CNTNAP3B: variants seen among roughly 807,000 people sequenced by gnomAD.
The protein encoded by CNTNAP3B is contactin-associated protein-like 3B.
Under a neutral mutation model 108.9 loss-of-function variants are expected in CNTNAP3B, and 25 were observed. The ratio of observed to expected loss-of-function variants is 0.23; its 90% CI spans 0.17 to 0.32. CNTNAP3B has a LOEUF of 0.32. Among genes scored for constraint, CNTNAP3B ranks in the 10% least tolerant of loss-of-function variants. The pLI, the probability that CNTNAP3B is intolerant of heterozygous loss-of-function variation, is 1.00. For missense variants in CNTNAP3B, 252 were observed against 1,210.4 expected, an observed-to-expected ratio of 0.21 and a Z score of 11.75; for synonymous variants, 103 against 473.4, an observed-to-expected ratio of 0.22 and a Z score of 10.16.
At position 42,122,627 on chromosome 9, in the gene CNTNAP3B, T is replaced by A. The variant is rs1587290081; in HGVS notation, c.85+6383A>T. On this transcript the variant is annotated intron_variant, in intron 1 of 23. Coordinates refer to ENST00000377561, the MANE Select transcript of CNTNAP3B (RefSeq NM_001201380.3). ...TACCAATCTTCTTACAATAAATTCATAAATATCTTAATTATGGCAAATGTG... is the reference window on the plus strand; with the variant it reads ...TACCAATCTTCTTACAATAAATTCAAAAATATCTTAATTATGGCAAATGTG... 2.9e-5 allele frequency among the ~76,000 whole-genome samples: 4 copies of A among 138,742 alleles called. No homozygotes were observed. In the South Asian group the frequency reaches 9.3e-4, roughly 32 times the overall value. The allele number at this position is 138,742 out of a possible 152,430, so 91.0% of individuals were successfully genotyped here.
chr9:41,967,243 G>A (rs1476694164), intron 10 of CNTNAP3B, among the ~76,000 whole-genome samples: 2 of 152,244 alleles, frequency 1.3e-5, no homozygotes, highest in African/African-American at 4.8e-5. Flanking sequence ...TCATGGGAGG[G>A]AACCTGTGGG....
Position 41,920,162 on chromosome 9 carries a change from AAGTGTCCATAGGTGCTGC to A in CNTNAP3B, c.2885_2902del (p.Cys962_His967del). ...TCTGCATCTCCCTCCATTGCGACAC[AAGTGTCCATAGGTGCTGC>A]AGTGTCCTGCACACCCTGGCTCCAC... is the stretch of plus-strand genomic sequence containing the variant. On this transcript the variant is annotated inframe_deletion, in exon 18 of 24. Coordinates refer to ENST00000377561, the MANE Select transcript of CNTNAP3B (RefSeq NM_001201380.3). The A allele has an allele frequency of 1.3e-6, 2 of 1,519,496 alleles. No individual in the cohort carries two copies. Among genetic ancestry groups the A allele is most frequent in the Non-Finnish European group, 8.9e-7 (1 of 1,124,406 alleles). 94.1% of individuals were successfully genotyped at this position (1,519,496 alleles called of 1,614,324 possible). A position where few individuals can be genotyped will look rare whatever the true frequency, so the allele number is the denominator to read the frequency against.
intron 3 of CNTNAP3B, among the ~76,000 whole-genome samples, chr9:42,061,405 C>T (rs1360043426): frequency 7.4e-6 from 1 of 134,716 alleles, no homozygotes; most frequent in East Asian, 2.2e-4. Flanking sequence ...GCAATCTCTA[C>T]CTCCTGGGCT....
At chr9:42,128,068 G>A (rs1440468387) in intron 1 of CNTNAP3B, among the ~76,000 whole-genome samples, 5 of 138,372 alleles carry the variant, frequency 3.6e-5, no homozygotes, top group African/African-American at 1.2e-4. Flanking sequence ...TGAGAAGGAG[G>A]AGGAAGACAT....
chr9:41,979,595 T>G (rs1445315577), intron 9 of CNTNAP3B: 1 of 33,414 alleles, frequency 3.0e-5, no homozygotes, highest in African/African-American at 8.5e-5. Flanking sequence ...CTGTGTTGGC[T>G]ATTTTGACTT....
At chr9:42,015,538 G>T (rs1236072758) in intron 3 of CNTNAP3B, among the ~76,000 whole-genome samples, 1 of 92,282 alleles carries the variant, frequency 1.1e-5, no homozygotes, top group African/African-American at 4.2e-5. Flanking sequence ...TGCAAGCTGC[G>T]GTTTCTTCAT....
Position 42,046,842 on chromosome 9 carries a change from A to G in CNTNAP3B, c.390+30027T>C, listed in dbSNP as rs1388620675. ...GGGGGCTCTAACTACGTACACTTTGAAAAAGGAAGATGTTTTCCTACTCTG... is the reference window on the plus strand; with the variant it reads ...GGGGGCTCTAACTACGTACACTTTGGAAAAGGAAGATGTTTTCCTACTCTG... On this transcript the variant is annotated intron_variant, in intron 3 of 23. Transcript: ENST00000377561. Among the ~76,000 whole-genome samples the G allele has an allele frequency of 4.2e-5, 4 of 94,320 alleles. 1 individual carries two copies. The highest frequency in any genetic ancestry group is 3.2e-4 in the South Asian group (1 of 3,078). The allele number at this position is 94,320 out of a possible 152,430, so 61.9% of individuals were successfully genotyped here.
chr9:42,086,339 C>T (rs1755033085), intron 2 of CNTNAP3B, among the ~76,000 whole-genome samples: 1 of 135,954 alleles, frequency 7.4e-6, no homozygotes. Context: ...AGTGGGGACA[C>T]AGCCAAACCA....
intron 13 of CNTNAP3B, among the ~76,000 whole-genome samples, chr9:41,948,100 T>C (rs1587133840): frequency 6.6e-6 from 1 of 151,528 alleles, no homozygotes; most frequent in African/African-American, 2.4e-5. Context: ...TGGTTTTGGT[T>C]TTTATTTTTG....
chr9:42,029,600 G>A lies in CNTNAP3B; in HGVS notation c.391-16075C>T, dbSNP rs1288792472. 9.2e-5 allele frequency among the ~76,000 whole-genome samples: 11 copies of A among 119,812 alleles called. 2 individuals are homozygous for A. The highest frequency in any genetic ancestry group is 3.2e-4 in the African/African-American group (9 of 28,302). The allele number at this position is 119,812 out of a possible 152,430, so 78.6% of individuals were successfully genotyped here. ...GGCTGGAGTGCAGTGGTGCAGTCTC[G>A]GCTCACCACAACCTCTGCCTCCTGG... On this transcript the variant is annotated intron_variant, in intron 3 of 23. Transcript: ENST00000377561.
rs1258944599 is a variant in CNTNAP3B at position 41,984,000 on chromosome 9, G to A, written c.1477+2168C>T. Reference sequence around the variant, plus strand: ...GGCGGTGCAGAGCTTGCAGTGAGCCGAGATCGCGCCACTGCACTCCAGCCT... The same window carrying A: ...GGCGGTGCAGAGCTTGCAGTGAGCCAAGATCGCGCCACTGCACTCCAGCCT... On this transcript the variant is annotated intron_variant, in intron 9 of 23. Coordinates refer to ENST00000377561, the MANE Select transcript of CNTNAP3B (RefSeq NM_001201380.3). Among the ~76,000 whole-genome samples the A allele has an allele frequency of 8.2e-5, 8 of 97,430 alleles. 1 individual carries two copies. Among genetic ancestry groups the A allele is most frequent in the Admixed American group, 4.3e-4 (4 of 9,230 alleles). 63.9% of individuals were successfully genotyped at this position (97,430 alleles called of 152,430 possible). A position where few individuals can be genotyped will look rare whatever the true frequency, so the allele number is the denominator to read the frequency against.
intron 2 of CNTNAP3B, among the ~76,000 whole-genome samples, chr9:42,080,833 TAAAAC>T (rs1827597740): frequency 1.3e-5 from 1 of 78,664 alleles, no homozygotes; most frequent in Non-Finnish European, 2.4e-5. Context: ...GTCTTTAAAT[TAAAAC>T]AAATGAAAGT....
rs1825267295 is a variant in CNTNAP3B at position 41,966,164 on chromosome 9, G to C, written c.1650-1520C>G. 2.0e-5 allele frequency among the ~76,000 whole-genome samples: 3 copies of C among 152,296 alleles called. No individual in the cohort carries two copies. In the South Asian group the frequency reaches 6.2e-4, roughly 31 times the overall value. On this transcript the variant is annotated intron_variant, in intron 10 of 23. Coordinates refer to ENST00000377561, the MANE Select transcript of CNTNAP3B (RefSeq NM_001201380.3). ...TCATACCATTTTTAAAAGAGCAGCT[G>C]TTCCTCTTCCCCCACATCCTTCTCC... is the stretch of plus-strand genomic sequence containing the variant.
At chr9:41,971,056 A>G (rs1825419966) in intron 9 of CNTNAP3B, among the ~76,000 whole-genome samples, 1 of 148,078 alleles carries the variant, frequency 6.8e-6, no homozygotes, top group South Asian at 2.1e-4. Context: ...ATCGTCAGCT[A>G]ATTTCACCTA....
Position 42,062,871 on chromosome 9 carries a change from G to C in CNTNAP3B, c.390+13998C>G, listed in dbSNP as rs1485426928. Among the ~76,000 whole-genome samples the C allele has an allele frequency of 2.1e-5, 2 of 94,982 alleles. 1 individual carries two copies. Among genetic ancestry groups the C allele is most frequent in the African/African-American group, 7.9e-5 (2 of 25,348 alleles). The allele number at this position is 94,982 out of a possible 152,430, so 62.3% of individuals were successfully genotyped here. A position where few individuals can be genotyped will look rare whatever the true frequency, so the allele number is the denominator to read the frequency against. On this transcript the variant is annotated intron_variant, in intron 3 of 23. Transcript: ENST00000377561. ...TGACATAAAATATCTTATAGTTGCA[G>C]CAAGTTTTTTTTAACTTGAATACAA...
chr9:41,946,085 A>G (rs62536521), intron 13 of CNTNAP3B, among the ~76,000 whole-genome samples: 1,728 of 149,298 alleles, frequency 0.012, no homozygotes, highest in South Asian at 0.044. Flanking sequence ...GTCAAAATAT[A>G]TTAGGGGGAA....
At chr9:41,915,993 C>T (rs1259985654) in intron 18 of CNTNAP3B, among the ~76,000 whole-genome samples, 6 of 151,478 alleles carry the variant, frequency 4.0e-5, no homozygotes, top group African/African-American at 1.5e-4. Context: ...GTTATTTCTA[C>T]ATAGCTCTAT....
intron 10 of CNTNAP3B, among the ~76,000 whole-genome samples, chr9:41,967,880 T>C (rs1353441252): frequency 6.6e-6 from 1 of 152,280 alleles, no homozygotes; most frequent in South Asian, 2.1e-4. Flanking sequence ...GCAATGATTA[T>C]TGTACACATC....
At chr9:41,965,369 C>T (rs1168119608) in intron 10 of CNTNAP3B, among the ~76,000 whole-genome samples, 7 of 151,540 alleles carry the variant, frequency 4.6e-5, no homozygotes, top group Admixed American at 2.0e-4. Context: ...TCTGCTGCCG[C>T]CCACTATAAT....
Sources: gnomAD v4.1 joint callset for allele counts (sites outside exome capture counted in the v4.1 genomes callset) on GRCh38, gnomAD v4.1.1 for gene constraint, MANE v1.5 for transcripts, NCBI Gene and HGNC (gene_info 2026-07-23, HGNC 2026-07-21) for gene names.